CKAP5: variants seen among roughly 807,000 people sequenced by gnomAD.
The protein encoded by CKAP5 is cytoskeleton associated protein 5.
A neutral mutation model predicts 232.8 loss-of-function variants in CKAP5; 27 were observed. That is an observed-to-expected ratio of 0.12 (90% CI 0.09 to 0.16). CKAP5 has a LOEUF of 0.16. Among genes scored for constraint, CKAP5 ranks in the 10% least tolerant of loss-of-function variants. The probability of loss-of-function intolerance (pLI) is 1.00; values close to 1 mark genes in which losing one functional copy is unlikely to be tolerated. For missense variants in CKAP5, 1,838 were observed against 2,424.7 expected, an observed-to-expected ratio of 0.76 and a Z score of 5.08; for synonymous variants, 785 against 841.1, an observed-to-expected ratio of 0.93 and a Z score of 1.16.
chr11:46,795,918 C>T, intron 12 of CKAP5, 142 bp from the exon 13 acceptor site: 2 of 665,084 alleles, frequency 3.0e-6, no homozygotes, highest in East Asian at 5.6e-5. Flanking sequence ...AATCCTAGCA[C>T]TTTGGAAGGC....
intron 42 of CKAP5, 101 bp downstream of exon 42, chr11:46,750,173 A>T: frequency 8.6e-7 from 1 of 1,168,614 alleles, no homozygotes; most frequent in Non-Finnish European, 1.2e-6. Context: ...ACCATTAAGT[A>T]TTGAGGTTCA....
chr11:46,773,790 T>C (rs745645934), intron 24 of CKAP5, among the ~76,000 whole-genome samples: 1 of 150,224 alleles, frequency 6.7e-6, no homozygotes, highest in Non-Finnish European at 1.5e-5. Flanking sequence ...GTGATCTGCT[T>C]GCTCGGCCTC....
At chr11:46,746,706 T>TG (rs1235954826) in intron 42 of CKAP5, among the ~76,000 whole-genome samples, 1 of 152,224 alleles carries the variant, frequency 6.6e-6, no homozygotes, top group Non-Finnish European at 1.5e-5. Flanking sequence ...GAGTGGTGTG[T>TG]GAAGGTGAAA....
chr11:46,762,506 A>G, intron 31 of CKAP5, 121 bp downstream of exon 31: 1 of 1,228,842 alleles, frequency 8.1e-7, no homozygotes, highest in Non-Finnish European at 1.2e-6. Context: ...CACAGTCTAA[A>G]TCAGGAGGTT....
Position 46,790,575 on chromosome 11 carries a change from C to T in CKAP5, c.1659G>A (p.Gly553=), listed in dbSNP as rs1938696414. ...CAGCTGGTTTCCCCTTTTTTGGTGG[C>T]CCACCAGCCTAAAAACAATTTAAAA... ...LKKAPAAKAG[G]PPKKGKPAAP... is the part of the protein sequence containing the mutation. The change falls in exon 14 of 44, where the codon GGG becomes GGA. Residue 553 remains glycine, a synonymous_variant. Transcript: ENST00000529230. 6.2e-7 allele frequency: 1 copy of T among 1,609,794 alleles called. No individual in the cohort carries two copies. The highest frequency in any genetic ancestry group is 8.5e-7 in the Non-Finnish European group (1 of 1,176,380).
At chr11:46,836,976 A>G (rs1939932177) in intron 1 of CKAP5, among the ~76,000 whole-genome samples, 1 of 152,238 alleles carries the variant, frequency 6.6e-6, no homozygotes, top group Non-Finnish European at 1.5e-5. Context: ...GGGAATCTAT[A>G]TTACAGATGT....
chr11:46,761,106 G>A (rs1203949127), intron 32 of CKAP5, among the ~76,000 whole-genome samples: 1 of 152,018 alleles, frequency 6.6e-6, no homozygotes, highest in East Asian at 1.9e-4. Context: ...AAAATAAGCT[G>A]GGTGTGGTGG....
At chr11:46,790,668 T>A in intron 13 of CKAP5, 85 bp from the exon 14 acceptor site, 1 of 919,544 alleles carries the variant, frequency 1.1e-6, no homozygotes, top group Non-Finnish European at 1.6e-6. Context: ...TTTGAGACAG[T>A]GTCTCATATT....
chr11:46,845,095 CAA>C (rs1466751430), intron 1 of CKAP5, among the ~76,000 whole-genome samples: 3 of 152,162 alleles, frequency 2.0e-5, no homozygotes, highest in Non-Finnish European at 4.4e-5. Context: ...TCAGAGAAGT[CAA>C]AGTCTTCTAC....
chr11:46,777,318 A>G, intron 23 of CKAP5, 121 bp downstream of exon 23: 1 of 594,172 alleles, frequency 1.7e-6, no homozygotes, highest in Non-Finnish European at 3.0e-6. Context: ...TTCTTCTAAT[A>G]TTTTCATCTT....
intron 5 of CKAP5, among the ~76,000 whole-genome samples, chr11:46,810,768 C>T (rs1939256783): frequency 6.6e-6 from 1 of 152,152 alleles, no homozygotes; most frequent in South Asian, 2.1e-4. Flanking sequence ...ACATTTACAT[C>T]ATCAGAAGAG....
chr11:46,810,011 A>T, intron 5 of CKAP5, 137 bp from the exon 6 acceptor site: 5 of 828,214 alleles, frequency 6.0e-6, no homozygotes, highest in Non-Finnish European at 9.0e-6. Flanking sequence ...TTACTCTGTC[A>T]CCCAGGCTGA....
intron 1 of CKAP5, among the ~76,000 whole-genome samples, chr11:46,822,038 C>CA (rs890380058): frequency 6.6e-5 from 10 of 151,652 alleles, no homozygotes; most frequent in African/African-American, 2.4e-4. Context: ...GACTCCATCT[C>CA]AAAAAAATAA....
chr11:46,755,170 A>G, intron 35 of CKAP5, 103 bp from the exon 36 acceptor site: 1 of 734,514 alleles, frequency 1.4e-6, no homozygotes, highest in Non-Finnish European at 2.1e-6. Flanking sequence ...TTAGCAAAGT[A>G]CTTCTAAAGT....
At chr11:46,834,519 C>CAAAAAA (rs35792132) in intron 1 of CKAP5, among the ~76,000 whole-genome samples, 3 of 53,518 alleles carry the variant, frequency 5.6e-5, no homozygotes, top group Admixed American at 1.8e-4. Context: ...AACTCCATCT[C>CAAAAAA]AAAAAAAAAA....
intron 16 of CKAP5, among the ~76,000 whole-genome samples, chr11:46,787,590 G>A (rs2065406586): frequency 6.6e-6 from 1 of 151,936 alleles, no homozygotes; most frequent in Admixed American, 6.6e-5. Context: ...GGCAATTTAA[G>A]GACTGCACTT....
chr11:46,787,408 G>A (rs532033716), intron 16 of CKAP5, among the ~76,000 whole-genome samples: 1 of 152,270 alleles, frequency 6.6e-6, no homozygotes, highest in African/African-American at 2.4e-5. Flanking sequence ...GAGGTCTATT[G>A]TATGTACATC....
At chr11:46,831,628 A>T (rs766420972) in intron 1 of CKAP5, among the ~76,000 whole-genome samples, 1 of 152,056 alleles carries the variant, frequency 6.6e-6, no homozygotes, top group Non-Finnish European at 1.5e-5. Flanking sequence ...TCCCAGCCTC[A>T]TGTGAGCCTC....
chr11:46,758,279 A>G (rs1235854443), intron 35 of CKAP5, among the ~76,000 whole-genome samples: 1 of 152,054 alleles, frequency 6.6e-6, no homozygotes, highest in Non-Finnish European at 1.5e-5. Flanking sequence ...TTTGACCACT[A>G]GCTCTTTCCT....
Sources: allele counts gnomAD v4.1 joint callset (sites outside exome capture counted in the v4.1 genomes callset), GRCh38; gene constraint gnomAD v4.1.1; transcripts MANE v1.5; gene names NCBI Gene and HGNC (gene_info 2026-07-23, HGNC 2026-07-21).